TMTC2: variants seen among roughly 807,000 people sequenced by gnomAD.
The protein encoded by TMTC2 is transmembrane O-mannosyltransferase targeting cadherins 2, also known as protein O-mannosyl-transferase TMTC2.
In TMTC2, 43 loss-of-function variants were observed where a neutral mutation model predicts 82.4. The observed-to-expected ratio is 0.52, with a 90% confidence interval of 0.41 to 0.67. TMTC2 has a LOEUF of 0.67. TMTC2 is among the 30% of genes least tolerant of loss of function. The pLI is 0.00. For missense variants in TMTC2, 919 were observed against 1,012.4 expected (o/e 0.91, Z 1.25); for synonymous variants, 408 against 381.9 (o/e 1.07, Z -0.80).
At chr12:83,045,727 G>GCACACACACACACACACACACACACACA (rs71068972) in intron 9 of TMTC2, among the ~76,000 whole-genome samples, 1 of 142,452 alleles carries the variant, frequency 7.0e-6, no homozygotes, top group African/African-American at 2.7e-5. Context: ...ACACACACAC[G>GCACACACACACACACACACACACACACA]CACACACACA....
chr12:82,919,630 T>C (rs1875261051), intron 3 of TMTC2, among the ~76,000 whole-genome samples: 2 of 152,056 alleles, frequency 1.3e-5, no homozygotes, highest in Admixed American at 6.5e-5. Flanking sequence ...ACTTCAAAAA[T>C]ACAACAGTGA....
At chr12:82,957,297 A>G (rs967253583) in intron 4 of TMTC2, among the ~76,000 whole-genome samples, 3 of 152,172 alleles carry the variant, frequency 2.0e-5, no homozygotes, top group Admixed American at 2.0e-4. Flanking sequence ...TGGGTAAACA[A>G]CGAAATTAAA....
At chr12:83,128,448 A>C (rs1294150203) in intron 11 of TMTC2, among the ~76,000 whole-genome samples, 2 of 152,094 alleles carry the variant, frequency 1.3e-5, no homozygotes, top group African/African-American at 4.8e-5. Context: ...AACTTAAATA[A>C]TTGAATGACC....
At chr12:82,710,350 G>A (rs988045116) in intron 1 of TMTC2, among the ~76,000 whole-genome samples, 1 of 152,130 alleles carries the variant, frequency 6.6e-6, no homozygotes, top group Admixed American at 6.5e-5. Context: ...TAGATGCCTT[G>A]TTTTCTCCAA....
chr12:82,844,437 A>G (rs113024703), intron 1 of TMTC2, among the ~76,000 whole-genome samples: 35 of 152,326 alleles, frequency 2.3e-4, no homozygotes, highest in Middle Eastern at 3.4e-3. Context: ...GCAAAAGCAC[A>G]TAGACCAAGA....
chr12:82,788,217 G>T (rs1349754196), intron 1 of TMTC2, among the ~76,000 whole-genome samples: 1 of 151,968 alleles, frequency 6.6e-6, no homozygotes, highest in Non-Finnish European at 1.5e-5. Context: ...TATTTTAGGG[G>T]TAAGTTATAG....
chr12:82,751,467 G>A (rs1306149250), intron 1 of TMTC2, among the ~76,000 whole-genome samples: 4 of 151,996 alleles, frequency 2.6e-5, no homozygotes, highest in Admixed American at 1.3e-4. Flanking sequence ...CAGCACACCA[G>A]CATGGCACAT....
At position 83,020,884 on chromosome 12, in the gene TMTC2, G is replaced by A. The variant is rs527536983; in HGVS notation, c.2071-9914G>A. On this transcript the variant is annotated intron_variant, in intron 8 of 11. Transcript: ENST00000321196. The stretch of plus-strand genomic sequence containing the variant: ...CACCTTCATTTATGTAATATTCATA[G>A]AAGTCAACCATGTTGTGTTTATACC... 3.3e-5 allele frequency among the ~76,000 whole-genome samples: 5 copies of A among 152,262 alleles called. No homozygotes were observed. The East Asian group carries it at 9.7e-4, about 29-fold the overall frequency.
chr12:83,101,357 A>G (rs1565888316), intron 11 of TMTC2, among the ~76,000 whole-genome samples: 1 of 152,190 alleles, frequency 6.6e-6, no homozygotes, highest in African/African-American at 2.4e-5. Flanking sequence ...ACTGAGAATG[A>G]TTTCATAGAC....
rs200469082 is a variant in TMTC2, at chr12:82,893,697, TA to T, written c.655-2111del. ...TACTCAGAATTACCCCCTTTTAGATTAAAAAAAAAACTTTCATACTTTTGAA... is the reference window on the plus strand; with the variant it reads ...TACTCAGAATTACCCCCTTTTAGATTAAAAAAAAACTTTCATACTTTTGAA... On this transcript the variant is annotated intron_variant, in intron 2 of 11. Transcript: ENST00000321196. Among the ~76,000 whole-genome samples, 15 of 149,050 alleles carry T rather than the reference TA, an allele frequency of 1.0e-4. No homozygotes were observed. The South Asian group carries it at 1.7e-3, about 17-fold the overall frequency.
intron 11 of TMTC2, among the ~76,000 whole-genome samples, chr12:83,092,043 G>A (rs1883864554): frequency 6.6e-6 from 1 of 152,178 alleles, no homozygotes; most frequent in Admixed American, 6.5e-5. Flanking sequence ...GTACCAATGT[G>A]TACATATCAT....
chr12:83,126,088 A>G (rs1885089975), intron 11 of TMTC2, among the ~76,000 whole-genome samples: 1 of 152,196 alleles, frequency 6.6e-6, no homozygotes, highest in African/African-American at 2.4e-5. Context: ...ACATATATCA[A>G]GATGTCTAAG....
intron 1 of TMTC2, among the ~76,000 whole-genome samples, chr12:82,818,012 G>A (rs926621444): frequency 8.5e-5 from 13 of 152,080 alleles, no homozygotes; most frequent in African/African-American, 3.1e-4. Context: ...GAAGGAATGA[G>A]CTACAGCTAT....
chr12:82,740,552 T>C (rs577639583), intron 1 of TMTC2, among the ~76,000 whole-genome samples: 4 of 152,348 alleles, frequency 2.6e-5, no homozygotes, highest in South Asian at 4.1e-4. Flanking sequence ...CTAGCACATA[T>C]TCAGAGCTGA....
chr12:82,800,894 A>G (rs558911385), intron 1 of TMTC2, among the ~76,000 whole-genome samples: 1 of 152,328 alleles, frequency 6.6e-6, no homozygotes, highest in Non-Finnish European at 1.5e-5. Context: ...ATTAAACAAC[A>G]AAGAGGGGGT....
chr12:82,765,714 C>CAAA (rs199754664), intron 1 of TMTC2, among the ~76,000 whole-genome samples: 239 of 137,852 alleles, frequency 1.7e-3, no homozygotes, highest in African/African-American at 7.4e-3. Flanking sequence ...AACAAACAAA[C>CAAA]AAAAAAAAAC....
intron 8 of TMTC2, among the ~76,000 whole-genome samples, chr12:83,029,584 G>C (rs1376139539): frequency 2.6e-5 from 4 of 152,154 alleles, no homozygotes; most frequent in African/African-American, 9.7e-5. Flanking sequence ...AGGCAGGTAA[G>C]GTCATTTGTC....
intron 1 of TMTC2, among the ~76,000 whole-genome samples, chr12:82,735,471 A>G (rs371128825): frequency 4.5e-4 from 68 of 150,954 alleles, no homozygotes; most frequent in Middle Eastern, 6.9e-3. Flanking sequence ...TCAGCCTCCC[A>G]AGTAGCTGGG....
intron 1 of TMTC2, among the ~76,000 whole-genome samples, chr12:82,763,910 C>CT (rs1284813926): frequency 6.6e-6 from 1 of 151,978 alleles, no homozygotes; most frequent in East Asian, 1.9e-4. Context: ...AAAAATACAG[C>CT]TTAAAAAAAG....
Sources: allele counts gnomAD v4.1 joint callset (sites outside exome capture counted in the v4.1 genomes callset), GRCh38; gene constraint gnomAD v4.1.1; transcripts MANE v1.5; gene names NCBI Gene and HGNC (gene_info 2026-07-23, HGNC 2026-07-21).